Variants in DDX19A observed in about 807,000 individuals in gnomAD.
The protein encoded by DDX19A is DEAD-box helicase 19A, also known as ATP-dependent RNA helicase DDX19A.
DDX19A carries 12 observed loss-of-function variants against 60.6 expected under a neutral mutation model. The ratio of observed to expected loss-of-function variants is 0.20; its 90% CI spans 0.13 to 0.32. The LOEUF (loss-of-function observed/expected upper bound fraction) is 0.32. Among genes scored for constraint, DDX19A ranks in the 10% least tolerant of loss-of-function variants. The pLI, the probability that DDX19A is intolerant of heterozygous loss-of-function variation, is 1.00. For missense variants in DDX19A, 337 were observed against 600.6 expected (o/e 0.56, Z 4.59); for synonymous variants, 206 against 218.2 (o/e 0.94, Z 0.49).
intron 1 of DDX19A, among the ~76,000 whole-genome samples, chr16:70,348,692 C>A (rs924495398): frequency 2.0e-5 from 3 of 148,096 alleles, no homozygotes; most frequent in Admixed American, 6.8e-5. Flanking sequence ...GTAATCCTAG[C>A]ACTTTGGGAA....
At chr16:70,360,879 G>A (rs950037291) in intron 4 of DDX19A, 1 of 157,126 alleles carries the variant, frequency 6.4e-6, no homozygotes, top group African/African-American at 2.4e-5. Flanking sequence ...AGCCTCTTGA[G>A]TAACTGGGAC....
At chr16:70,357,377 T>TTG (rs1964242905) in intron 4 of DDX19A, among the ~76,000 whole-genome samples, 4 of 58,438 alleles carry the variant, frequency 6.8e-5, no homozygotes, top group Non-Finnish European at 1.4e-4. Context: ...TTTTTTTTTT[T>TTG]TTTTTTTTTT....
chr16:70,358,068 T>C (rs533614190), intron 4 of DDX19A, among the ~76,000 whole-genome samples: 71 of 152,332 alleles, frequency 4.7e-4, no homozygotes, highest in African/African-American at 1.6e-3. Context: ...TCTCACTCTG[T>C]TGCCCAGGCT....
Position 70,366,149 on chromosome 16 carries a change from G to C in DDX19A, c.669G>C (p.Trp223Cys). 1 of 1,614,154 alleles carries C rather than the reference G, an allele frequency of 6.2e-7. No homozygotes were observed. Among genetic ancestry groups the C allele is most frequent in the South Asian group, 1.1e-5 (1 of 91,078 alleles). The change falls in exon 8 of 12, where the codon TGG becomes TGC. Residue 223 changes from tryptophan to cysteine, a missense_variant. Physicochemically the swap from Trp to Cys is radical, Grantham distance 215 (BLOSUM62 -2). This residue lies in a region of DDX19A where 117 missense variants were observed against 274.3 expected (regional missense o/e 0.43). Coordinates refer to ENST00000302243, the MANE Select transcript of DDX19A (RefSeq NM_018332.5). Reference sequence around the variant, plus strand: ...GCACCCCTGGGACCGTGCTGGACTGGTGCTCCAAGCTCAAGTTCATTGATC... The same window carrying C: ...GCACCCCTGGGACCGTGCTGGACTGCTGCTCCAAGCTCAAGTTCATTGATC... ...VIGTPGTVLD[W>C]CSKLKFIDPK... is the part of the protein sequence containing the mutation.
chr16:70,356,089 A>G, intron 3 of DDX19A, 23 bp from the exon 4 acceptor site: 3 of 1,612,894 alleles, frequency 1.9e-6, no homozygotes, highest in African/African-American at 2.7e-5. Context: ...GAGTATGAAG[A>G]TCTACTGGTT....
chr16:70,354,164 A>G (rs1964115944), intron 2 of DDX19A, among the ~76,000 whole-genome samples: 1 of 148,194 alleles, frequency 6.7e-6, no homozygotes, highest in Non-Finnish European at 1.5e-5. Context: ...TCTTTTTTTG[A>G]GACGGAGCTT....
chr16:70,353,758 G>A (rs538295504), intron 2 of DDX19A, among the ~76,000 whole-genome samples: 2 of 152,050 alleles, frequency 1.3e-5, no homozygotes, highest in African/African-American at 2.4e-5. Context: ...AAAATTGCCC[G>A]GGCATGGTGG....
rs775630463 is a variant in DDX19A at position 70,346,934 on chromosome 16, C to G, written c.-58C>G. 37 of 1,548,392 alleles carry G rather than the reference C, an allele frequency of 2.4e-5. No homozygotes were observed. The African/African-American group carries it at 3.8e-4, about 16-fold the overall frequency. Reference sequence around the variant, plus strand: ...TCGCGCCGGTGGCGAGGTTAGGGCCCGCGTTGCGACGTGGTGCAGCGCATA... The same window carrying G: ...TCGCGCCGGTGGCGAGGTTAGGGCCGGCGTTGCGACGTGGTGCAGCGCATA... On this transcript the variant is annotated 5_prime_UTR_variant, in exon 1 of 12. Coordinates refer to ENST00000302243, the MANE Select transcript of DDX19A (RefSeq NM_018332.5).
At chr16:70,357,497 G>A (rs1964249727) in intron 4 of DDX19A, among the ~76,000 whole-genome samples, 1 of 139,302 alleles carries the variant, frequency 7.2e-6, no homozygotes, top group South Asian at 2.4e-4. Flanking sequence ...CGATTCTCCT[G>A]CCTTAGCCTC....
chr16:70,350,785 T>G (rs537564472), intron 2 of DDX19A, among the ~76,000 whole-genome samples, 180 bp downstream of exon 2: 2 of 79,298 alleles, frequency 2.5e-5, no homozygotes, highest in East Asian at 8.0e-4. Flanking sequence ...CTTTGACTTC[T>G]TAAAATTAAG....
intron 9 of DDX19A, among the ~76,000 whole-genome samples, chr16:70,367,871 C>T (rs1316274606): frequency 1.4e-5 from 2 of 148,030 alleles, no homozygotes; most frequent in African/African-American, 2.5e-5. Context: ...AGCGAGACTC[C>T]GTCTCAAAAA....
chr16:70,365,953 G>A, intron 7 of DDX19A, 132 bp from the exon 8 acceptor site: 1 of 1,348,670 alleles, frequency 7.4e-7, no homozygotes, highest in Non-Finnish European at 1.0e-6. Context: ...CAAGACTGAG[G>A]GGAACACTCA....
intron 1 of DDX19A, among the ~76,000 whole-genome samples, chr16:70,350,207 C>T (rs76317300): frequency 0.045 from 6,829 of 152,176 alleles, 530 homozygotes; most frequent in African/African-American, 0.16. Flanking sequence ...GAGCCATGAT[C>T]GTGCTGCTGT....
chr16:70,365,983 A>G, intron 7 of DDX19A, 102 bp from the exon 8 acceptor site: 1 of 1,560,934 alleles, frequency 6.4e-7, no homozygotes, highest in Non-Finnish European at 8.8e-7. Flanking sequence ...TGAAATCTGG[A>G]AATAACTTGT....
chr16:70,368,243 G>A (rs897842758), intron 9 of DDX19A, among the ~76,000 whole-genome samples: 1 of 151,916 alleles, frequency 6.6e-6, no homozygotes, highest in African/African-American at 2.4e-5. Context: ...TATAATCCAC[G>A]TTCTCCTATC....
chr16:70,365,166 G>A (rs1476714100), intron 7 of DDX19A, 35 bp downstream of exon 7: 1 of 1,451,414 alleles, frequency 6.9e-7, no homozygotes, highest in Admixed American at 1.7e-5. Context: ...ACAGTGAGCA[G>A]GGTAGGGGGT....
intron 9 of DDX19A, among the ~76,000 whole-genome samples, chr16:70,367,676 G>A (rs1964560441): frequency 6.6e-6 from 1 of 152,102 alleles, no homozygotes; most frequent in Non-Finnish European, 1.5e-5. Flanking sequence ...TCGGGAGTTG[G>A]AGACCAGCCT....
intron 4 of DDX19A, chr16:70,360,823 A>G (rs1260718170): frequency 6.5e-6 from 1 of 153,110 alleles, no homozygotes; most frequent in East Asian, 1.9e-4. Context: ...TCAGTCACAG[A>G]TCACTGCAGC....
chr16:70,353,863 T>C (rs975322881), intron 2 of DDX19A, among the ~76,000 whole-genome samples: 1 of 147,664 alleles, frequency 6.8e-6, no homozygotes, highest in African/African-American at 2.5e-5. Flanking sequence ...ATCGTGCCAC[T>C]GCACTTCATC....
Sources: allele counts gnomAD v4.1 joint callset (sites outside exome capture counted in the v4.1 genomes callset), GRCh38; gene constraint gnomAD v4.1.1; regional missense constraint gnomAD v4.1.1; transcripts MANE v1.5; gene names NCBI Gene and HGNC (gene_info 2026-07-23, HGNC 2026-07-21).